The following MYH10 variants were observed in gnomAD, a reference collection of about 807,000 sequenced individuals.
MYH10 encodes myosin-10.
In MYH10, 55 loss-of-function variants were observed where a neutral mutation model predicts 257.8. The observed-to-expected ratio is 0.21, with a 90% CI of 0.17 to 0.27. The LOEUF is 0.27. Among genes scored for constraint, MYH10 ranks in the 10% least tolerant of loss-of-function variants. The pLI is 1.00. For synonymous variants in MYH10, 854 were observed against 921.7 expected (o/e 0.93, Z 1.33); for missense variants, 1,631 against 2,500.6 (o/e 0.65, Z 7.42).
chr17:8,612,787 T>C lies in MYH10; in HGVS notation c.346-7805A>G, dbSNP rs988221430. ...AATTGCTTGAACTGGCAGGTGGAGG[T>C]TGCAGTGAGCCGAGATTGCACCGTT... On this transcript the variant is annotated intron_variant, in intron 2 of 42. Coordinates refer to ENST00000360416, the MANE Select transcript of MYH10 (RefSeq NM_001256012.3). Among the ~76,000 whole-genome samples the C allele has an allele frequency of 3.2e-4, 48 of 151,876 alleles. No individual in the cohort carries two copies. The East Asian group carries it at 8.3e-3, about 26-fold the overall frequency.
chr17:8,580,006 A>C (rs760493169), intron 4 of MYH10, among the ~76,000 whole-genome samples: 33 of 152,204 alleles, frequency 2.2e-4, no homozygotes, highest in Non-Finnish European at 4.0e-4. Flanking sequence ...GGGCGCCTGT[A>C]ATCCCAGCTA....
chr17:8,601,103 T>C (rs900882907), intron 3 of MYH10, among the ~76,000 whole-genome samples: 12 of 152,224 alleles, frequency 7.9e-5, no homozygotes, highest in Non-Finnish European at 1.8e-4. Flanking sequence ...AAGTGGCCCC[T>C]GCAGGTATTG....
chr17:8,500,329 A>T (rs1392970827), intron 29 of MYH10, among the ~76,000 whole-genome samples: 1 of 152,214 alleles, frequency 6.6e-6, no homozygotes, highest in Non-Finnish European at 1.5e-5. Context: ...AGGAGAACGG[A>T]AAGCCTGTGT....
At chr17:8,527,821 G>A (rs372023597) in intron 17 of MYH10, among the ~76,000 whole-genome samples, 43 of 152,268 alleles carry the variant, frequency 2.8e-4, no homozygotes, top group African/African-American at 8.7e-4. Context: ...GCTTCTCCTC[G>A]GTGAGTTTCC....
intron 2 of MYH10, among the ~76,000 whole-genome samples, chr17:8,613,481 A>AC (rs555464709): frequency 7.9e-4 from 121 of 152,322 alleles, no homozygotes; most frequent in African/African-American, 2.9e-3. Context: ...CTCAGGCCCT[A>AC]CCTATCATGA....
intron 3 of MYH10, among the ~76,000 whole-genome samples, chr17:8,602,523 T>A (rs975454012): frequency 6.6e-6 from 1 of 152,260 alleles, no homozygotes; most frequent in Non-Finnish European, 1.5e-5. Context: ...TGACTAGCCC[T>A]GCAGATGCCC....
intron 2 of MYH10, among the ~76,000 whole-genome samples, chr17:8,614,309 T>TC: frequency 2.4e-5 from 3 of 125,772 alleles, no homozygotes; most frequent in Non-Finnish European, 3.3e-5. Flanking sequence ...ATTCACTTCT[T>TC]TTTTTTTTTT....
intron 7 of MYH10, among the ~76,000 whole-genome samples, chr17:8,555,325 T>C (rs2082758146): frequency 6.6e-6 from 1 of 152,074 alleles, no homozygotes; most frequent in Non-Finnish European, 1.5e-5. Context: ...GAAAAGGACT[T>C]AGACTAATCA....
intron 4 of MYH10, among the ~76,000 whole-genome samples, chr17:8,587,731 C>T (rs2083962366): frequency 1.3e-5 from 2 of 152,206 alleles, no homozygotes; most frequent in South Asian, 4.1e-4. Context: ...CACTGAATCT[C>T]ACCCACACTA....
chr17:8,625,634 C>T (rs952158964), intron 1 of MYH10, among the ~76,000 whole-genome samples: 1 of 152,070 alleles, frequency 6.6e-6, no homozygotes, highest in Non-Finnish European at 1.5e-5. Flanking sequence ...CAGGCCTGCA[C>T]CATGACCCGC....
intron 37 of MYH10, 111 bp downstream of exon 37, chr17:8,484,027 A>C: frequency 9.6e-7 from 1 of 1,045,776 alleles, no homozygotes; most frequent in Non-Finnish European, 1.4e-6. Context: ...AAAAAACAAA[A>C]ATGTATACTG....
intron 17 of MYH10, chr17:8,521,569 T>C: frequency 2.5e-6 from 1 of 404,798 alleles, no homozygotes; most frequent in Non-Finnish European, 4.5e-6. Context: ...TTGGATAACA[T>C]TCTGACTGTT....
intron 16 of MYH10, among the ~76,000 whole-genome samples, chr17:8,531,545 T>C (rs545064364): frequency 6.2e-5 from 7 of 113,502 alleles, no homozygotes; most frequent in African/African-American, 2.0e-4. Flanking sequence ...AACTCTACTT[T>C]TTTTCTTTTT....
Position 8,484,187 on chromosome 17 carries a change from C to G in MYH10, c.5126G>C (p.Ser1709Thr). ...TTCCAGACTCTTCAATTTCTTTTCA[C>G]TCTCTTTGGATTGAGCAAAAATCTC... Reference protein sequence around the residue: ...RDEIFAQSKESEKKLKSLEAE... With the variant: ...RDEIFAQSKETEKKLKSLEAE... The change falls in exon 37 of 43, where the codon AGT (serine) becomes ACT (threonine). Residue 1709 changes from serine (S) to threonine (T), a missense_variant. Transcript: ENST00000360416. 1.2e-6 allele frequency: 2 copies of G among 1,610,028 alleles called. No homozygotes were observed. Among genetic ancestry groups the G allele is most frequent in the East Asian group, 2.2e-5 (1 of 44,584 alleles).
intron 7 of MYH10, among the ~76,000 whole-genome samples, chr17:8,563,775 G>A (rs1182408938): frequency 2.6e-5 from 4 of 151,820 alleles, no homozygotes; most frequent in African/African-American, 9.7e-5. Context: ...TAACCTGGTC[G>A]CCAAACTGTA....
At chr17:8,585,286 G>GTATATATATATATATATATA (rs71361807) in intron 4 of MYH10, among the ~76,000 whole-genome samples, 8,241 of 83,672 alleles carry the variant, frequency 0.098, 860 homozygotes, top group East Asian at 0.16. Context: ...ATGTGTGTGT[G>GTATATATATATATATATATA]TGTATATATA....
In MYH10 at chr17:8,521,124, C is replaced by G; in HGVS notation, c.2119G>C (p.Val707Leu). 3 of 1,614,228 alleles carry G rather than the reference C, an allele frequency of 1.9e-6. No individual in the cohort carries two copies. The highest frequency in any genetic ancestry group is 2.5e-6 in the Non-Finnish European group (3 of 1,180,034). The change falls in exon 18 of 43, where the codon GTT becomes CTT. Residue 707 changes from valine to leucine, a missense_variant. Physicochemically the swap from Val to Leu is conservative, Grantham distance 32. Transcript: ENST00000360416. ...TCGTGATTTGGAATGATACAACGAA[C>G]AAAGTTAGGGTTGGTGTTTCGGAGA... ...ATLRNTNPNF[V>L]RCIIPNHEKR...
Position 8,475,517 on chromosome 17 carries a change from T to A in MYH10, c.*287A>T. 3.2e-6 allele frequency: 1 copy of A among 316,170 alleles called. No individual in the cohort carries two copies. The highest frequency in any genetic ancestry group is 5.8e-6 in the Non-Finnish European group (1 of 171,632). 19.6% of individuals were successfully genotyped at this position (316,170 alleles called of 1,614,324 possible). ...GGCCTGGAGTTTGTTTTAAAAAGGGTCTTACCATGTTTTATAAAATGGTCT... is the reference window on the plus strand; with the variant it reads ...GGCCTGGAGTTTGTTTTAAAAAGGGACTTACCATGTTTTATAAAATGGTCT... On this transcript the variant is annotated 3_prime_UTR_variant, in exon 43 of 43. Coordinates refer to ENST00000360416, the MANE Select transcript of MYH10 (RefSeq NM_001256012.3).
chr17:8,558,730 T>C (rs903172237), intron 7 of MYH10, among the ~76,000 whole-genome samples: 1 of 152,258 alleles, frequency 6.6e-6, no homozygotes, highest in Admixed American at 6.5e-5. Context: ...ATATACAAAA[T>C]TCTGATAGCT....
Sources: allele counts gnomAD v4.1 joint callset (sites outside exome capture counted in the v4.1 genomes callset), GRCh38; gene constraint gnomAD v4.1.1; transcripts MANE v1.5; gene names NCBI Gene and HGNC (gene_info 2026-07-23, HGNC 2026-07-21).